Variants in MEGF9 observed in about 807,000 individuals in gnomAD.
MEGF9 encodes multiple epidermal growth factor-like domains protein 9.
A neutral mutation model predicts 46.8 loss-of-function variants in MEGF9; 6 were observed. The ratio of observed to expected loss-of-function variants is 0.13; its 90% CI spans 0.07 to 0.25. The LOEUF (loss-of-function observed/expected upper bound fraction) is 0.25. MEGF9 is among the 10% of genes least tolerant of loss of function. The probability of loss-of-function intolerance (pLI) is 1.00; values close to 1 mark genes in which losing one functional copy is unlikely to be tolerated. For missense variants in MEGF9, 683 were observed against 792.4 expected (o/e 0.86, Z 1.66); for synonymous variants, 302 against 330.7 (o/e 0.91, Z 0.94).
intron 4 of MEGF9, among the ~76,000 whole-genome samples, chr9:120,611,883 G>GAGAGAGAGAA (rs1242135307): frequency 1.3e-5 from 2 of 150,158 alleles, no homozygotes; most frequent in Non-Finnish European, 3.0e-5. Context: ...GAGAGAGAGA[G>GAGAGAGAGAA]AGAAAGAAAG....
At chr9:120,672,389 TCAAGAC>T (rs2043753385) in intron 1 of MEGF9, among the ~76,000 whole-genome samples, 1 of 151,766 alleles carries the variant, frequency 6.6e-6, no homozygotes, top group South Asian at 2.1e-4. Context: ...ATCCAGGAGT[TCAAGAC>T]CAGCCTAGGC....
In MEGF9 at chr9:120,621,172, AGG is replaced by A. The variant is rs916776287; in HGVS notation, c.943+1442_943+1443del. On this transcript the variant is annotated intron_variant, in intron 3 of 5. Coordinates refer to ENST00000373930, the MANE Select transcript of MEGF9 (RefSeq NM_001080497.3). ...TGGTTTTCTTTGTTTTATATTGCTT[AGG>A]GTTTGCTGAACTTTCTGAATCTGTC... Among the ~76,000 whole-genome samples the A allele has an allele frequency of 4.6e-5, 7 of 152,216 alleles. 1 individual carries two copies. The highest frequency in any genetic ancestry group is 1.7e-4 in the African/African-American group (7 of 41,456).
chr9:120,639,480 C>T (rs1381443195), intron 2 of MEGF9, among the ~76,000 whole-genome samples: 1 of 144,856 alleles, frequency 6.9e-6, no homozygotes, highest in African/African-American at 2.7e-5. Flanking sequence ...TGCACTCCAG[C>T]CTGGGTGACA....
chr9:120,631,581 T>C (rs1191011766), intron 2 of MEGF9, among the ~76,000 whole-genome samples: 3 of 151,348 alleles, frequency 2.0e-5, no homozygotes, highest in Non-Finnish European at 2.9e-5. Context: ...ACCTCCCAGG[T>C]TCAAGCAATT....
chr9:120,680,795 A>G (rs901377537), intron 1 of MEGF9, among the ~76,000 whole-genome samples: 36 of 152,032 alleles, frequency 2.4e-4, no homozygotes, highest in East Asian at 2.3e-3. Context: ...CAGGCACAGG[A>G]GCCTCTTCCT....
chr9:120,711,844 T>TACATACAC (rs1483546554), intron 1 of MEGF9, among the ~76,000 whole-genome samples: 1 of 143,472 alleles, frequency 7.0e-6, no homozygotes, highest in African/African-American at 2.6e-5. Context: ...CATACATACA[T>TACATACAC]ACACACACAC....
At chr9:120,634,223 G>C (rs1476831822) in intron 2 of MEGF9, among the ~76,000 whole-genome samples, 1 of 152,082 alleles carries the variant, frequency 6.6e-6, no homozygotes, top group Admixed American at 6.6e-5. Context: ...TTGTATTGGA[G>C]TCTAACTCTC....
In MEGF9 at chr9:120,661,351, C is replaced by CA. The variant is rs1266342625; in HGVS notation, c.602-1777dup. On this transcript the variant is annotated intron_variant, in intron 1 of 5. Coordinates refer to ENST00000373930, the MANE Select transcript of MEGF9 (RefSeq NM_001080497.3). The stretch of plus-strand genomic sequence containing the variant: ...CAACATAGTGAAACCACGTCTCTAC[C>CA]AAAAAAAATACAAAAATTAGGCGGG... Among the ~76,000 whole-genome samples, 11 of 151,660 alleles carry CA rather than the reference C, an allele frequency of 7.3e-5. No homozygotes were observed. The South Asian group carries it at 8.3e-4, about 12-fold the overall frequency.
intron 1 of MEGF9, among the ~76,000 whole-genome samples, chr9:120,686,688 G>A (rs1361615398): frequency 6.6e-6 from 1 of 152,196 alleles, no homozygotes; most frequent in Admixed American, 6.5e-5. Context: ...GCTAGGAGTA[G>A]TACACCAATC....
rs996042115 is a variant in MEGF9, at chr9:120,710,235, C to A, written c.601+3523G>T. On this transcript the variant is annotated intron_variant, in intron 1 of 5. Transcript: ENST00000373930. ...CCTGAGGTCGGGAATCCGAGACCAGCCTGACCAACATGGAGAAACACTGTC... is the reference window on the plus strand; with the variant it reads ...CCTGAGGTCGGGAATCCGAGACCAGACTGACCAACATGGAGAAACACTGTC... 1.3e-4 allele frequency among the ~76,000 whole-genome samples: 19 copies of A among 151,680 alleles called. 1 individual carries two copies. Among genetic ancestry groups the A allele is most frequent in the African/African-American group, 3.4e-4 (14 of 41,252 alleles).
At chr9:120,685,912 T>C (rs899629804) in intron 1 of MEGF9, among the ~76,000 whole-genome samples, 4 of 152,154 alleles carry the variant, frequency 2.6e-5, no homozygotes, top group Non-Finnish European at 4.4e-5. Context: ...TCCTGTCACA[T>C]GCTACAACAT....
At chr9:120,699,877 T>C (rs149061873) in intron 1 of MEGF9, among the ~76,000 whole-genome samples, 65 of 152,248 alleles carry the variant, frequency 4.3e-4, no homozygotes, top group African/African-American at 1.5e-3. Flanking sequence ...AAAATAATAC[T>C]AAAGGACCTC....
intron 1 of MEGF9, among the ~76,000 whole-genome samples, chr9:120,674,834 T>A (rs2043765489): frequency 6.6e-6 from 1 of 151,474 alleles, no homozygotes; most frequent in Admixed American, 6.6e-5. Flanking sequence ...CCTCTCAAAG[T>A]GCTAGGATTA....
chr9:120,688,834 G>C (rs2043835880), intron 1 of MEGF9, among the ~76,000 whole-genome samples: 1 of 152,178 alleles, frequency 6.6e-6, no homozygotes, highest in African/African-American at 2.4e-5. Context: ...GCAATGTTCT[G>C]TTGATAATTG....
At chr9:120,633,975 T>G (rs1280991379) in intron 2 of MEGF9, among the ~76,000 whole-genome samples, 1 of 152,228 alleles carries the variant, frequency 6.6e-6, no homozygotes. Context: ...TCTTTTAAAT[T>G]TGTTAAGACT....
At chr9:120,707,586 T>C (rs779949444) in intron 1 of MEGF9, among the ~76,000 whole-genome samples, 4 of 152,186 alleles carry the variant, frequency 2.6e-5, no homozygotes, top group Non-Finnish European at 4.4e-5. Flanking sequence ...TATATTAACT[T>C]TGAAGCCTAG....
chr9:120,628,283 C>CTT, intron 2 of MEGF9, among the ~76,000 whole-genome samples: 1 of 152,108 alleles, frequency 6.6e-6, no homozygotes, highest in Admixed American at 6.5e-5. Flanking sequence ...TTTAGTGTTC[C>CTT]TCTGTCTTTC....
At chr9:120,683,049 A>G (rs1044693632) in intron 1 of MEGF9, among the ~76,000 whole-genome samples, 1 of 152,212 alleles carries the variant, frequency 6.6e-6, no homozygotes, top group African/African-American at 2.4e-5. Flanking sequence ...AGGGAGGAAT[A>G]GGAGAATATA....
At chr9:120,657,222 C>A (rs572373040) in intron 2 of MEGF9, among the ~76,000 whole-genome samples, 1 of 152,322 alleles carries the variant, frequency 6.6e-6, no homozygotes, top group Admixed American at 6.5e-5. Context: ...GTTCATAGGC[C>A]ATACTCTGCA....
Sources: allele counts gnomAD v4.1 joint callset (sites outside exome capture counted in the v4.1 genomes callset), GRCh38; gene constraint gnomAD v4.1.1; transcripts MANE v1.5; gene names NCBI Gene and HGNC (gene_info 2026-07-23, HGNC 2026-07-21).